The following TENM4 variants were observed in gnomAD, a reference collection of about 807,000 sequenced individuals.
TENM4 encodes teneurin-4.
TENM4 carries 82 observed loss-of-function variants against 243.3 expected under a neutral mutation model. The observed-to-expected ratio is 0.34, with a 90% CI of 0.28 to 0.40. The LOEUF is 0.40. TENM4 is among the 10% of genes least tolerant of loss of function. TENM4 has a pLI of 1.00. For missense variants in TENM4, 3,138 were observed against 3,673.3 expected, an observed-to-expected ratio of 0.85 and a Z score of 3.77; for synonymous variants, 1,412 against 1,456.3, an observed-to-expected ratio of 0.97 and a Z score of 0.69.
intron 23 of TENM4, 132 bp from the exon 24 acceptor site, chr11:78,723,049 A>G: frequency 6.9e-6 from 9 of 1,303,412 alleles, no homozygotes; most frequent in Non-Finnish European, 9.4e-6. Context: ...TCATAGCCCA[A>G]GGCTTTGCCT....
intron 20 of TENM4, among the ~76,000 whole-genome samples, chr11:78,735,864 CCTTT>C (rs1409869833): frequency 1.4e-5 from 2 of 145,888 alleles, no homozygotes; most frequent in Non-Finnish European, 3.0e-5. Flanking sequence ...CCTCTCCTCT[CCTTT>C]CTTTTCTTCC....
At chr11:79,396,174 T>C (rs1317003681) in intron 1 of TENM4, among the ~76,000 whole-genome samples, 2 of 152,212 alleles carry the variant, frequency 1.3e-5, no homozygotes, top group East Asian at 3.8e-4. Flanking sequence ...AAGCTTTTCT[T>C]GACCAGCCTA....
chr11:79,053,307 A>T (rs1859850162), intron 6 of TENM4, among the ~76,000 whole-genome samples: 1 of 152,180 alleles, frequency 6.6e-6, no homozygotes, highest in Admixed American at 6.5e-5. Context: ...TAGTAATTCA[A>T]AGCTAAAGGC....
chr11:78,669,941 G>A lies in TENM4; in HGVS notation c.6404C>T (p.Thr2135Ile), dbSNP rs779977336. Residue 2135 changes from threonine (T) to isoleucine (I), a missense_variant, in exon 32 of 34, where the codon ACC (threonine) becomes ATC (isoleucine). Coordinates refer to ENST00000278550, the MANE Select transcript of TENM4 (RefSeq NM_001098816.3). This position sits in a 1 kb window ranked among gnomAD's most constrained non-coding sequence, Gnocchi z 6.4. ...VIYYDINQII[T>I]TAVMTHTKHF... ...CTTGGTGTGGGTCATGACAGCTGTG[G>A]TGATGATCTGGTTAATGTCATAGTA... 1 of 1,613,828 alleles carries A rather than the reference G, an allele frequency of 6.2e-7. No individual in the cohort carries two copies. Among genetic ancestry groups the A allele is most frequent in the Non-Finnish European group, 8.5e-7 (1 of 1,179,854 alleles).
intron 3 of TENM4, among the ~76,000 whole-genome samples, chr11:79,211,667 T>G (rs12785944): frequency 0.2 from 30,505 of 152,232 alleles, 3,046 homozygotes; most frequent in African/African-American, 0.24. Flanking sequence ...TTCATAAAAA[T>G]ATGTTATTTA....
chr11:79,377,958 T>G (rs1379621342), intron 1 of TENM4, among the ~76,000 whole-genome samples: 3 of 152,226 alleles, frequency 2.0e-5, no homozygotes, highest in Non-Finnish European at 2.9e-5. Context: ...CCGGTAAGTG[T>G]GTCTTTCCCA....
chr11:78,670,301 C>T lies in TENM4; in HGVS notation c.6044G>A (p.Gly2015Asp). ...CGTCTCTGCCAGCTTTGACAGTTTG[C>T]CATACTTGTATATCACCCTGCGGCC... ...GTGRRVIYKY[G>D]KLSKLAETLY... is the part of the protein sequence containing the mutation. The change falls in exon 32 of 34, where the codon GGC (glycine) becomes GAC (aspartate). Residue 2015 changes from glycine to aspartate, a missense_variant. Physicochemically the swap from Gly to Asp is moderately conservative, Grantham distance 94. This residue lies in a region of TENM4 where 2,467 missense variants were observed against 3,059.1 expected (regional missense o/e 0.81). Coordinates refer to ENST00000278550, the MANE Select transcript of TENM4 (RefSeq NM_001098816.3). 6.2e-7 allele frequency: 1 copy of T among 1,613,856 alleles called. No homozygotes were observed. Among genetic ancestry groups the T allele is most frequent in the Non-Finnish European group, 8.5e-7 (1 of 1,179,854 alleles).
chr11:78,967,492 G>A (rs1857461099), intron 6 of TENM4, among the ~76,000 whole-genome samples: 1 of 152,192 alleles, frequency 6.6e-6, no homozygotes, highest in Admixed American at 6.5e-5. Context: ...GACCGGGGCT[G>A]TACTGTAGAA....
At chr11:78,776,932 G>A (rs2136009175) in intron 17 of TENM4, among the ~76,000 whole-genome samples, 1 of 152,122 alleles carries the variant, frequency 6.6e-6, no homozygotes, top group African/African-American at 2.4e-5. Flanking sequence ...GATAAAGTCA[G>A]GAAATGCAGA....
chr11:78,767,190 C>T (rs1170618534), intron 18 of TENM4, among the ~76,000 whole-genome samples: 1 of 152,204 alleles, frequency 6.6e-6, no homozygotes, highest in African/African-American at 2.4e-5. Context: ...TCGCCAAGAC[C>T]TCACATACTC....
In TENM4 at chr11:78,657,911, A is replaced by G; in HGVS notation, c.*147T>C. 1 of 1,294,454 alleles carries G rather than the reference A, an allele frequency of 7.7e-7. No homozygotes were observed. The highest frequency in any genetic ancestry group is 1.1e-6 in the Non-Finnish European group (1 of 908,288). The allele number at this position is 1,294,454 out of a possible 1,614,324, so 80.2% of individuals were successfully genotyped here. A position where few individuals can be genotyped will look rare whatever the true frequency, so the allele number is the denominator to read the frequency against. ...AAATCTGTGTTTTTCTTTTCTAAAA[A>G]AAAGGATGTTGCATGAGTTACAATG... On this transcript the variant is annotated 3_prime_UTR_variant, in exon 34 of 34. Transcript: ENST00000278550.
At chr11:78,882,031 G>C (rs1236986458) in intron 9 of TENM4, among the ~76,000 whole-genome samples, 1 of 152,168 alleles carries the variant, frequency 6.6e-6, no homozygotes, top group Non-Finnish European at 1.5e-5. Context: ...AAAAGACCAA[G>C]TTCAATCATC....
intron 23 of TENM4, among the ~76,000 whole-genome samples, chr11:78,723,352 A>G (rs186724079): frequency 3.3e-5 from 5 of 152,342 alleles, no homozygotes; most frequent in Admixed American, 3.3e-4. Context: ...TTTCTCTTTC[A>G]ATTGATACCA....
At chr11:79,253,905 G>T (rs189411860) in intron 2 of TENM4, among the ~76,000 whole-genome samples, 1 of 152,184 alleles carries the variant, frequency 6.6e-6, no homozygotes, top group Admixed American at 6.5e-5. Context: ...GAACAAATAC[G>T]AACAGCTAGT....
Position 78,729,583 on chromosome 11 carries a change from G to A in TENM4, c.3199C>T (p.Arg1067Trp), listed in dbSNP as rs756533379. The A allele has an allele frequency of 2.5e-6, 4 of 1,613,882 alleles. No homozygotes were observed. Among genetic ancestry groups the A allele is most frequent in the Non-Finnish European group, 2.5e-6 (3 of 1,179,822 alleles). The stretch of plus-strand genomic sequence containing the variant: ...AGGACAGATTTGTAGCCAGGGGTCC[G>A]GCTGCTCAGGTAGCTCAGCCTCATC... ...CKMRLSYLSS[R>W]TPGYKSVLRI... The change falls in exon 22 of 34, where the codon CGG becomes TGG. Residue 1067 changes from arginine to tryptophan, a missense_variant. By Grantham distance (101) the Arg-to-Trp change is moderately radical. This residue lies in a region of TENM4 where 2,467 missense variants were observed against 3,059.1 expected (regional missense o/e 0.81). Coordinates refer to ENST00000278550, the MANE Select transcript of TENM4 (RefSeq NM_001098816.3).
At chr11:79,206,160 A>G (rs748077976) in intron 3 of TENM4, among the ~76,000 whole-genome samples, 21 of 152,186 alleles carry the variant, frequency 1.4e-4, no homozygotes, top group Non-Finnish European at 2.8e-4. Context: ...TGAAGTGGGA[A>G]AATCAAAAAG....
At chr11:79,209,922 C>A (rs1863925913) in intron 3 of TENM4, among the ~76,000 whole-genome samples, 1 of 152,208 alleles carries the variant, frequency 6.6e-6, no homozygotes, top group African/African-American at 2.4e-5. Context: ...GGGGACATTT[C>A]TATCTCTTAG....
In TENM4 at chr11:78,670,437, G is replaced by A. The variant is rs146739182; in HGVS notation, c.5908C>T (p.Arg1970Cys). The change falls in exon 32 of 34, where the codon CGC (arginine) becomes TGC (cysteine). Residue 1970 changes from arginine to cysteine, a missense_variant. Arg to Cys is a radical substitution (Grantham distance 180). This residue lies in a region of TENM4 where 2,467 missense variants were observed against 3,059.1 expected (regional missense o/e 0.81). Transcript: ENST00000278550. The part of the protein sequence containing the change: ...NVARQTLETI[R>C]SVGYYRNIYQ... ...ATGTTTCTGTAGTAGCCCACTGAGC[G>A]GATGGTCTCTAGTGTCTGCCGCGCC... is the stretch of plus-strand genomic sequence containing the variant. The A allele has an allele frequency of 2.3e-5, 37 of 1,613,878 alleles. No individual in the cohort carries two copies. Among genetic ancestry groups the A allele is most frequent in the South Asian group, 3.3e-5 (3 of 91,084 alleles).
At chr11:78,927,631 T>C (rs1299705189) in intron 6 of TENM4, among the ~76,000 whole-genome samples, 2 of 152,168 alleles carry the variant, frequency 1.3e-5, no homozygotes, top group Non-Finnish European at 2.9e-5. Context: ...AAAGCGCTTA[T>C]TCAACCCAGA....
Sources: allele counts gnomAD v4.1 joint callset (sites outside exome capture counted in the v4.1 genomes callset), GRCh38; gene constraint gnomAD v4.1.1; regional missense constraint gnomAD v4.1.1; non-coding constraint Gnocchi (gnomAD v3.1); transcripts MANE v1.5; gene names NCBI Gene and HGNC (gene_info 2026-07-23, HGNC 2026-07-21).